Variants in GLYR1 observed in about 807,000 individuals in gnomAD.
GLYR1 encodes the protein cytokine-like nuclear factor N-PAC.
GLYR1 carries 21 observed loss-of-function variants against 72.7 expected under a neutral mutation model. The observed-to-expected ratio is 0.29, with a 90% CI of 0.20 to 0.42. The LOEUF (loss-of-function observed/expected upper bound fraction) is 0.42, where lower values mean the gene tolerates loss of function less well. Among genes scored for constraint, GLYR1 ranks in the 10% least tolerant of loss-of-function variants. The probability of loss-of-function intolerance (pLI) is 1.00; values close to 1 mark genes in which losing one functional copy is unlikely to be tolerated. For missense variants in GLYR1, 594 were observed against 712.1 expected (o/e 0.83, Z 1.89); for synonymous variants, 392 against 270.2 (o/e 1.45, Z -4.42).
chr16:4,820,532 T>C (rs149797351), intron 9 of GLYR1, among the ~76,000 whole-genome samples: 142 of 152,252 alleles, frequency 9.3e-4, no homozygotes, highest in African/African-American at 3.4e-3. Context: ...ACAATCCTCC[T>C]CCCCTTTGTT....
At chr16:4,821,743 G>C (rs889497154) in intron 7 of GLYR1, 146 bp from the exon 8 acceptor site, 78 of 718,190 alleles carry the variant, frequency 1.1e-4, no homozygotes, top group Non-Finnish European at 9.8e-6. Context: ...TTTTACACTA[G>C]AAAGTTCATA....
chr16:4,841,838 T>C (rs2085577132), intron 3 of GLYR1, among the ~76,000 whole-genome samples: 3 of 152,210 alleles, frequency 2.0e-5, no homozygotes, highest in Non-Finnish European at 4.4e-5. Flanking sequence ...AGCCTCTTCC[T>C]TTCCATAACA....
At chr16:4,816,947 ATT>A (rs35180458) in intron 10 of GLYR1, among the ~76,000 whole-genome samples, 53 of 139,160 alleles carry the variant, frequency 3.8e-4, no homozygotes, top group Admixed American at 9.3e-4. Flanking sequence ...AGATTGTGCC[ATT>A]TTTTTTTTTT....
rs764438143 is a variant in GLYR1, at chr16:4,832,882, T to C, written c.186A>G (p.Pro62=). ...TCATTTCCTCTTTATGAGCATGATA[T>C]GGCTTCAGCTGTTCCACTTTGATCC... ...HAWIKVEQLK[P]YHAHKEEMIK... Residue 62 remains proline, a synonymous_variant, in exon 4 of 16, where the codon CCA becomes CCG. Coordinates refer to ENST00000321919, the MANE Select transcript of GLYR1 (RefSeq NM_032569.4). The C allele has an allele frequency of 8.1e-6, 13 of 1,613,156 alleles. No homozygotes were observed. Among genetic ancestry groups the C allele is most frequent in the African/African-American group, 1.3e-5 (1 of 75,030 alleles).
At chr16:4,806,763 A>G (rs1325621089) in intron 15 of GLYR1, among the ~76,000 whole-genome samples, 1 of 152,102 alleles carries the variant, frequency 6.6e-6, no homozygotes, top group Non-Finnish European at 1.5e-5. Context: ...GCAGAGGCAA[A>G]GTAAAAAAGA....
chr16:4,828,760 G>T (rs575269914), intron 5 of GLYR1, among the ~76,000 whole-genome samples: 2 of 152,180 alleles, frequency 1.3e-5, no homozygotes, highest in Admixed American at 6.5e-5. Context: ...ACGTACTGTT[G>T]TAATTCCTAA....
At chr16:4,834,666 G>T (rs2085021870) in intron 3 of GLYR1, among the ~76,000 whole-genome samples, 1 of 151,982 alleles carries the variant, frequency 6.6e-6, no homozygotes, top group Admixed American at 6.5e-5. Flanking sequence ...GGGTTTCCCT[G>T]TGTTGGCCAG....
Position 4,813,436 on chromosome 16 carries a change from C to G in GLYR1, c.1119+301G>C, listed in dbSNP as rs543379550. The stretch of plus-strand genomic sequence containing the variant: ...GGGAGGAGGGATGCTTTGCCAGTGT[C>G]AAATGCAGACAGCTGCTCAAACCCC... On this transcript the variant is annotated intron_variant, in intron 12 of 15. Transcript: ENST00000321919. 8.5e-5 allele frequency among the ~76,000 whole-genome samples: 13 copies of G among 152,304 alleles called. No homozygotes were observed. In the South Asian group the frequency reaches 2.7e-3, roughly 32 times the overall value.
chr16:4,820,707 C>A (rs1386324750), intron 9 of GLYR1, among the ~76,000 whole-genome samples: 1 of 152,218 alleles, frequency 6.6e-6, no homozygotes, highest in African/African-American at 2.4e-5. Context: ...CTGACTTTAG[C>A]TAACTTGCTC....
At chr16:4,834,580 CTCTA>C (rs1010307418) in intron 3 of GLYR1, among the ~76,000 whole-genome samples, 13 of 152,206 alleles carry the variant, frequency 8.5e-5, no homozygotes, top group African/African-American at 3.1e-4. Flanking sequence ...GCAATTCTGC[CTCTA>C]TCTCCCGAGT....
At chr16:4,811,080 G>C (rs1204248008) in intron 15 of GLYR1, 90 bp downstream of exon 15, 3 of 1,480,366 alleles carry the variant, frequency 2.0e-6, no homozygotes, top group Non-Finnish European at 2.7e-6. Context: ...ACTCTAGCCT[G>C]GGTGACAGAG....
At chr16:4,832,398 T>C (rs561608777) in intron 4 of GLYR1, 177 bp from the exon 5 acceptor site, 3 of 748,622 alleles carry the variant, frequency 4.0e-6, no homozygotes, top group African/African-American at 3.5e-5. Flanking sequence ...AAAAAATATA[T>C]ATATCAAAAG....
intron 3 of GLYR1, among the ~76,000 whole-genome samples, chr16:4,844,511 C>T (rs1407954213): frequency 6.6e-6 from 1 of 152,236 alleles, no homozygotes; most frequent in African/African-American, 2.4e-5. Context: ...GTGGCTCACG[C>T]CTATAATCCA....
At position 4,804,945 on chromosome 16, in the gene GLYR1, G is replaced by A; in HGVS notation, c.*291C>T. On this transcript the variant is annotated 3_prime_UTR_variant, in exon 16 of 16. Transcript: ENST00000321919. ...CTGGGGCGAGAGCCTGTGTGTGTGTGTGTGTGTGTGTGTGTGTGTGTGTGT... is the reference window on the plus strand; with the variant it reads ...CTGGGGCGAGAGCCTGTGTGTGTGTATGTGTGTGTGTGTGTGTGTGTGTGT... 1 of 484,946 alleles carries A rather than the reference G, an allele frequency of 2.1e-6. No homozygotes were observed. The highest frequency in any genetic ancestry group is 3.3e-5 in the East Asian group (1 of 30,104). The allele number at this position is 484,946 out of a possible 1,614,324, so 30.0% of individuals were successfully genotyped here. A position where few individuals can be genotyped will look rare whatever the true frequency, so the allele number is the denominator to read the frequency against.
At chr16:4,814,226 A>C (rs947357145) in intron 11 of GLYR1, among the ~76,000 whole-genome samples, 2 of 152,238 alleles carry the variant, frequency 1.3e-5, no homozygotes, top group African/African-American at 4.8e-5. Context: ...TAAACATAGA[A>C]GCTTGGCACC....
chr16:4,823,503 G>C (rs1432630011), intron 6 of GLYR1, among the ~76,000 whole-genome samples: 1 of 151,912 alleles, frequency 6.6e-6, no homozygotes, highest in Non-Finnish European at 1.5e-5. Flanking sequence ...AAAATATTAG[G>C]GGAAAAAAAC....
rs752966274 is a variant in GLYR1, at chr16:4,811,732, A to G, written c.1353T>C (p.Ile451=). ...CCTGGGCCAGGGTCAGCCCCTCGGC[A>G]ATAGTGGCCATGAAGCTCCCTTGGA... ...NMVQGSFMAT[I]AEGLTLAQVT... Residue 451 remains isoleucine, a synonymous_variant, in exon 14 of 16, where the codon ATT becomes ATC. Transcript: ENST00000321919. 3.1e-6 allele frequency: 5 copies of G among 1,614,184 alleles called. No homozygotes were observed. Among genetic ancestry groups the G allele is most frequent in the Non-Finnish European group, 4.2e-6 (5 of 1,180,020 alleles).
At position 4,804,917 on chromosome 16, in the gene GLYR1, A is replaced by G; in HGVS notation, c.*319T>C. 5.5e-6 allele frequency: 2 copies of G among 360,672 alleles called. No individual in the cohort carries two copies. The highest frequency in any genetic ancestry group is 5.2e-6 in the Non-Finnish European group (1 of 193,032). The allele number at this position is 360,672 out of a possible 1,614,324, so 22.3% of individuals were successfully genotyped here. A position where few individuals can be genotyped will look rare whatever the true frequency, so the allele number is the denominator to read the frequency against. On this transcript the variant is annotated 3_prime_UTR_variant, in exon 16 of 16. Transcript: ENST00000321919. ...AGGCAGCAGTTTCTGGGCAGCTTCT[A>G]TCCTGGGGCGAGAGCCTGTGTGTGT... is the stretch of plus-strand genomic sequence containing the variant.
intron 3 of GLYR1, among the ~76,000 whole-genome samples, chr16:4,842,077 T>G (rs1313440708): frequency 6.6e-6 from 1 of 151,812 alleles, no homozygotes; most frequent in Non-Finnish European, 1.5e-5. Context: ...CTGCCTCTAC[T>G]GAAAAATACA....
Sources: gnomAD v4.1 joint callset for allele counts (sites outside exome capture counted in the v4.1 genomes callset) on GRCh38, gnomAD v4.1.1 for gene constraint, MANE v1.5 for transcripts, NCBI Gene and HGNC (gene_info 2026-07-23, HGNC 2026-07-21) for gene names.